The following DDX19A variants were observed in gnomAD, a reference collection of about 807,000 sequenced individuals.
The protein encoded by DDX19A is DEAD-box helicase 19A, also known as ATP-dependent RNA helicase DDX19A.
DDX19A carries 12 observed loss-of-function variants against 60.6 expected under a neutral mutation model. The ratio of observed to expected loss-of-function variants is 0.20; its 90% CI spans 0.13 to 0.32. The LOEUF is 0.32. DDX19A is among the 10% of genes least tolerant of loss of function. The pLI is 1.00. For missense variants in DDX19A, 337 were observed against 600.6 expected (o/e 0.56, Z 4.59); for synonymous variants, 206 against 218.2 (o/e 0.94, Z 0.49).
At position 70,373,121 on chromosome 16, in the gene DDX19A, A is replaced by T. The variant is rs2047306752; in HGVS notation, c.*1135A>T. ...CCTGGTGGCGCACGCCTGTAGTCCC[A>T]GCTACTCGGGAGGCTGAGGTAGGAG... On this transcript the variant is annotated 3_prime_UTR_variant, in exon 12 of 12. Transcript: ENST00000302243. The T allele has an allele frequency of 6.6e-6, 1 of 152,120 alleles. No homozygotes were observed. Among genetic ancestry groups the T allele is most frequent in the African/African-American group, 2.4e-5 (1 of 41,364 alleles). The allele number at this position is 152,120 out of a possible 1,614,324, so 9.4% of individuals were successfully genotyped here.
intron 4 of DDX19A, among the ~76,000 whole-genome samples, chr16:70,360,018 C>T (rs920859454): frequency 1.3e-5 from 2 of 152,034 alleles, no homozygotes; most frequent in Non-Finnish European, 2.9e-5. Context: ...CTACAGCTCA[C>T]GCCTGTAATC....
At chr16:70,366,515 C>T (rs1964524359) in intron 8 of DDX19A, 109 bp from the exon 9 acceptor site, 3 of 1,459,500 alleles carry the variant, frequency 2.1e-6, no homozygotes, top group East Asian at 2.3e-5. Context: ...CCAAGATGCT[C>T]CTCCCCCATC....
chr16:70,366,618 T>A lies in DDX19A; in HGVS notation c.783-6T>A, dbSNP rs372107108. ...TGGGGCCATCTACCCGGGCCTTCCCTTGCAGGATGCTGCCCAGGAACTGCC... is the reference window on the plus strand; with the variant it reads ...TGGGGCCATCTACCCGGGCCTTCCCATGCAGGATGCTGCCCAGGAACTGCC... On this transcript the variant is annotated splice_region_variant and splice_polypyrimidine_tract_variant and intron_variant, in intron 8 of 11. Transcript: ENST00000302243. 5.0e-6 allele frequency: 8 copies of A among 1,614,026 alleles called. No individual in the cohort carries two copies. Among genetic ancestry groups the A allele is most frequent in the African/African-American group, 2.7e-5 (2 of 74,914 alleles).
chr16:70,358,807 G>T (rs992004121), intron 4 of DDX19A, among the ~76,000 whole-genome samples: 1 of 152,130 alleles, frequency 6.6e-6, no homozygotes, highest in African/African-American at 2.4e-5. Flanking sequence ...AGATCATGCC[G>T]TTCGTTGCAC....
At chr16:70,357,362 GTTTGTTTTTTT>G (rs1964234613) in intron 4 of DDX19A, among the ~76,000 whole-genome samples, 1 of 48,876 alleles carries the variant, frequency 2.0e-5, no homozygotes, top group East Asian at 6.7e-4. Flanking sequence ...TCTGTTTTTG[GTTTGTTTTTTT>G]TTTTTTTTTT....
At chr16:70,370,933 T>G in intron 10 of DDX19A, 4 of 230,808 alleles carry the variant, frequency 1.7e-5, no homozygotes, top group Non-Finnish European at 3.4e-5. Flanking sequence ...GAGGTGGAGG[T>G]TACGGTGAGT....
At chr16:70,367,426 CAA>C (rs988663616) in intron 9 of DDX19A, among the ~76,000 whole-genome samples, 1 of 126,788 alleles carries the variant, frequency 7.9e-6, no homozygotes, top group Admixed American at 8.2e-5. Context: ...GACTCCGTCT[CAA>C]AAAAAAAAAA....
intron 3 of DDX19A, 83 bp from the exon 4 acceptor site, chr16:70,356,029 A>G (rs1597526692): frequency 1.3e-6 from 2 of 1,568,916 alleles, no homozygotes; most frequent in East Asian, 2.2e-5. Context: ...CCCAGGTGCT[A>G]GTGTGGAGAG....
At chr16:70,371,156 G>C in intron 10 of DDX19A, 1 of 764,330 alleles carries the variant, frequency 1.3e-6, no homozygotes, top group East Asian at 2.7e-5. Flanking sequence ...ATTACCGACT[G>C]ATCTCATGAT....
At chr16:70,370,625 G>A in intron 10 of DDX19A, 1 of 522,484 alleles carries the variant, frequency 1.9e-6, no homozygotes, top group Non-Finnish European at 3.1e-6. Context: ...GAACCCTGGA[G>A]ACAGAGGTTG....
At chr16:70,369,582 T>C (rs1567658043) in intron 9 of DDX19A, among the ~76,000 whole-genome samples, 1 of 151,832 alleles carries the variant, frequency 6.6e-6, no homozygotes, top group Non-Finnish European at 1.5e-5. Context: ...AGGTTAAATA[T>C]TTTTGTGGTA....
At chr16:70,347,110 G>C (rs1054540935) in intron 1 of DDX19A, 62 bp downstream of exon 1, 1 of 1,526,284 alleles carries the variant, frequency 6.6e-7, no homozygotes, top group Non-Finnish European at 8.9e-7. Flanking sequence ...CCTCCCAAAA[G>C]CACAGGGAGC....
intron 5 of DDX19A, 138 bp downstream of exon 5, chr16:70,361,648 G>T: frequency 1.6e-6 from 1 of 629,390 alleles, no homozygotes; most frequent in Non-Finnish European, 2.8e-6. Flanking sequence ...CAAGTGCAGA[G>T]AGAATCGGAT....
chr16:70,366,968 C>G, intron 9 of DDX19A, 107 bp downstream of exon 9: 1 of 1,320,030 alleles, frequency 7.6e-7, no homozygotes, highest in Admixed American at 1.9e-5. Context: ...AAGGGAAGTG[C>G]TTTTTGAAGA....
intron 5 of DDX19A, among the ~76,000 whole-genome samples, chr16:70,362,044 A>G (rs1405194979): frequency 6.6e-6 from 1 of 151,908 alleles, no homozygotes; most frequent in Admixed American, 6.6e-5. Flanking sequence ...GCCTGTTGGC[A>G]TGTGCCTGTA....
At chr16:70,355,742 C>T (rs760344261) in intron 3 of DDX19A, 1 of 593,194 alleles carries the variant, frequency 1.7e-6, no homozygotes, top group Non-Finnish European at 3.0e-6. Context: ...TGGGAGGATT[C>T]CTTTGGGCCA....
intron 1 of DDX19A, among the ~76,000 whole-genome samples, chr16:70,350,267 TAGAA>T (rs1555551718): frequency 2.6e-5 from 4 of 152,098 alleles, no homozygotes; most frequent in Non-Finnish European, 5.9e-5. Flanking sequence ...AATAAATAAA[TAGAA>T]AGAACTTGAG....
chr16:70,354,905 G>C (rs944883416), intron 2 of DDX19A, among the ~76,000 whole-genome samples: 7 of 152,076 alleles, frequency 4.6e-5, no homozygotes, highest in Admixed American at 1.3e-4. Context: ...GGGAGCCTGG[G>C]GTGGGAGGAT....
At chr16:70,351,118 G>A (rs907458545) in intron 2 of DDX19A, among the ~76,000 whole-genome samples, 4 of 151,200 alleles carry the variant, frequency 2.6e-5, no homozygotes, top group Non-Finnish European at 2.9e-5. Flanking sequence ...TCCTGTCCTC[G>A]TGATCCACCC....
Sources: gnomAD v4.1 joint callset for allele counts (sites outside exome capture counted in the v4.1 genomes callset) on GRCh38, gnomAD v4.1.1 for gene constraint, MANE v1.5 for transcripts, NCBI Gene and HGNC (gene_info 2026-07-23, HGNC 2026-07-21) for gene names.